The following MPP4 variants were observed in gnomAD, a reference collection of about 807,000 sequenced individuals.
MPP4 encodes MAGUK p55 scaffold protein 4.
A neutral mutation model predicts 98.3 loss-of-function variants in MPP4; 91 were observed. The ratio of observed to expected loss-of-function variants is 0.93; its 90% CI spans 0.78 to 1.10. The LOEUF (loss-of-function observed/expected upper bound fraction) is 1.10, where lower values mean the gene tolerates loss of function less well. MPP4 is among the 50% of genes least tolerant of loss of function. MPP4 has a pLI of 0.00. For missense variants in MPP4, 744 were observed against 792.9 expected (o/e 0.94, Z 0.74); for synonymous variants, 261 against 271.8 (o/e 0.96, Z 0.39).
At chr2:201,658,122 A>G (rs1687913430) in intron 16 of MPP4, among the ~76,000 whole-genome samples, 1 of 152,096 alleles carries the variant, frequency 6.6e-6, no homozygotes, top group Non-Finnish European at 1.5e-5. Context: ...TCCTTCACAA[A>G]GCTCTGCCCA....
At chr2:201,689,505 A>G (rs13032238) in intron 4 of MPP4, among the ~76,000 whole-genome samples, 148,294 of 152,164 alleles carry the variant, frequency 0.97, 72,368 homozygotes, top group Middle Eastern at 1. Flanking sequence ...AGGAGACCAG[A>G]TAGGAGGCAA....
chr2:201,645,369 T>C lies in MPP4; in HGVS notation c.1755A>G (p.Gln585=). 1.2e-6 allele frequency: 2 copies of C among 1,614,036 alleles called. No homozygotes were observed. The highest frequency in any genetic ancestry group is 1.7e-5 in the Admixed American group (1 of 60,028). The stretch of plus-strand genomic sequence containing the variant: ...ATTGGCCAAACTGAGTTTCCATTCT[T>C]TGGGCTAAATTTTCCATCTCTTGTA... The part of the protein sequence containing the change: ...EDLQEMENLA[Q]RMETQFGQFF... Residue 585 remains glutamine (Q), a synonymous_variant, in exon 22 of 22, where the codon CAA becomes CAG. Coordinates refer to ENST00000409474, the MANE Select transcript of MPP4 (RefSeq NM_033066.3).
intron 1 of MPP4, among the ~76,000 whole-genome samples, chr2:201,697,423 G>A (rs1673179270): frequency 6.6e-6 from 1 of 152,190 alleles, no homozygotes; most frequent in Non-Finnish European, 1.5e-5. Context: ...GGCTTGCTCA[G>A]TGTCTGTCTC....
chr2:201,679,830 T>G (rs1323941293), intron 10 of MPP4, among the ~76,000 whole-genome samples: 1 of 152,216 alleles, frequency 6.6e-6, no homozygotes, highest in East Asian at 1.9e-4. Context: ...GAGTTTCCTA[T>G]GCTCACTGTC....
At position 201,656,264 on chromosome 2, in the gene MPP4, G is replaced by T; in HGVS notation, c.1234C>A (p.Pro412Thr). Residue 412 changes from proline (P) to threonine (T), a missense_variant, in exon 17 of 22, where the codon CCT (proline) becomes ACT (threonine). By Grantham distance (38) the Pro-to-Thr change is conservative. Coordinates refer to ENST00000409474, the MANE Select transcript of MPP4 (RefSeq NM_033066.3). ...TGGTACCTCACCACCTCCTCGTAAG[G>T]GGCACCCACTGCACTGTAGCAGCTG... ...TGSCYSAVGAPYEEVVRYQRR... is the reference protein window; with the variant it reads ...TGSCYSAVGATYEEVVRYQRR... 6.3e-7 allele frequency: 1 copy of T among 1,599,008 alleles called. No homozygotes were observed. Among genetic ancestry groups the T allele is most frequent in the East Asian group, 2.3e-5 (1 of 44,328 alleles).
intron 1 of MPP4, among the ~76,000 whole-genome samples, chr2:201,694,935 T>C (rs1397913696): frequency 6.6e-6 from 1 of 152,174 alleles, no homozygotes. Context: ...CTTAACCCTA[T>C]CAGATTTAAT....
intron 5 of MPP4, 136 bp downstream of exon 5, chr2:201,687,155 A>C (rs1657403200): frequency 1.4e-6 from 1 of 707,544 alleles, no homozygotes; most frequent in African/African-American, 1.8e-5. Flanking sequence ...ATTTAAGTAC[A>C]ATCTGTTGGT....
At chr2:201,694,518 T>C (rs1278091931) in intron 1 of MPP4, among the ~76,000 whole-genome samples, 1 of 151,960 alleles carries the variant, frequency 6.6e-6, no homozygotes, top group African/African-American at 2.4e-5. Context: ...GAGACAACAC[T>C]GTAACGATCT....
intron 10 of MPP4, among the ~76,000 whole-genome samples, chr2:201,678,228 C>T (rs567013665): frequency 6.6e-6 from 1 of 152,256 alleles, no homozygotes; most frequent in East Asian, 1.9e-4. Flanking sequence ...GCCAGACCCT[C>T]CTCACCACTT....
chr2:201,663,497 C>T (rs1453207041), intron 14 of MPP4, among the ~76,000 whole-genome samples: 9 of 152,172 alleles, frequency 5.9e-5, no homozygotes, highest in Admixed American at 5.9e-4. Context: ...GGGAGAACCA[C>T]TCGAGGCCTG....
At chr2:201,668,060 A>G (rs1688232831) in intron 12 of MPP4, among the ~76,000 whole-genome samples, 1 of 152,214 alleles carries the variant, frequency 6.6e-6, no homozygotes, top group African/African-American at 2.4e-5. Flanking sequence ...AGTACATAAC[A>G]AAGTTGTTTT....
At chr2:201,660,455 C>A in intron 14 of MPP4, 109 bp from the exon 15 acceptor site, 1 of 1,182,338 alleles carries the variant, frequency 8.5e-7, no homozygotes, top group Non-Finnish European at 1.3e-6. Flanking sequence ...GTGCACGTCA[C>A]CACTAGCAAA....
At chr2:201,698,549 C>T (rs1280746815) in intron 1 of MPP4, 38 bp downstream of exon 1, 3 of 1,299,246 alleles carry the variant, frequency 2.3e-6, no homozygotes, top group South Asian at 1.2e-5. Flanking sequence ...ATGGATACAT[C>T]TTCTGGTAAC....
In MPP4 at chr2:201,664,184, T is replaced by C. The variant is rs1354716862; in HGVS notation, c.1052-83A>G. The stretch of plus-strand genomic sequence containing the variant: ...AGTCTATATTTTAAGTCTAATTCTC[T>C]GGCCCCTACTTCTGCCCATACACCA... On this transcript the variant is annotated intron_variant, in intron 13 of 21. Coordinates refer to ENST00000409474, the MANE Select transcript of MPP4 (RefSeq NM_033066.3). The C allele has an allele frequency of 2.7e-6, 4 of 1,504,628 alleles. No individual in the cohort carries two copies. The Admixed American group carries it at 8.5e-5, about 32-fold the overall frequency. 93.2% of individuals were successfully genotyped at this position (1,504,628 alleles called of 1,614,324 possible).
chr2:201,689,498 A>G (rs372935306), intron 4 of MPP4, among the ~76,000 whole-genome samples: 35 of 152,244 alleles, frequency 2.3e-4, no homozygotes, highest in African/African-American at 3.9e-4. Context: ...TGGACACAGG[A>G]GACCAGATAG....
chr2:201,690,614 A>G (rs1409575816), intron 3 of MPP4, among the ~76,000 whole-genome samples: 1 of 152,210 alleles, frequency 6.6e-6, no homozygotes, highest in Non-Finnish European at 1.5e-5. Flanking sequence ...GGATTTGTAG[A>G]TGATGCATAA....
chr2:201,649,363 C>A (rs1285557357), intron 20 of MPP4, among the ~76,000 whole-genome samples: 1 of 152,202 alleles, frequency 6.6e-6, no homozygotes, highest in East Asian at 1.9e-4. Context: ...TCAATCAGTT[C>A]TGCTTTTCTG....
intron 6 of MPP4, 89 bp downstream of exon 6, chr2:201,685,830 G>T: frequency 6.7e-7 from 1 of 1,497,924 alleles, no homozygotes; most frequent in Non-Finnish European, 9.1e-7. Context: ...CGCAGGCAAG[G>T]CTACTGCCCA....
chr2:201,652,053 G>A (rs979694410), intron 18 of MPP4: 2 of 964,598 alleles, frequency 2.1e-6, no homozygotes, highest in Admixed American at 6.2e-5. Flanking sequence ...TCCTGTACAT[G>A]AAAGCAGTAC....
Sources: gnomAD v4.1 joint callset for allele counts (sites outside exome capture counted in the v4.1 genomes callset) on GRCh38, gnomAD v4.1.1 for gene constraint, MANE v1.5 for transcripts, NCBI Gene and HGNC (gene_info 2026-07-23, HGNC 2026-07-21) for gene names.